MTA3: variants seen among roughly 807,000 people sequenced by gnomAD.
MTA3 encodes the protein metastasis-associated protein MTA3.
A neutral mutation model predicts 83.5 loss-of-function variants in MTA3; 34 were observed. The ratio of observed to expected loss-of-function variants is 0.41; its 90% CI spans 0.31 to 0.54. MTA3 has a LOEUF of 0.54. Among genes scored for constraint, MTA3 ranks in the 20% least tolerant of loss-of-function variants. The probability of loss-of-function intolerance (pLI) is 0.33; values close to 1 mark genes in which losing one functional copy is unlikely to be tolerated. For missense variants in MTA3, 761 were observed against 726.4 expected, an observed-to-expected ratio of 1.05 and a Z score of -0.55; for synonymous variants, 303 against 252.7, an observed-to-expected ratio of 1.20 and a Z score of -1.89.
intron 2 of MTA3, among the ~76,000 whole-genome samples, chr2:42,515,200 A>G (rs1675087638): frequency 6.6e-6 from 1 of 151,992 alleles, no homozygotes; most frequent in Non-Finnish European, 1.5e-5. Flanking sequence ...CTGGGATTAC[A>G]GGTGCCCACC....
chr2:42,689,773 C>CT (rs1222011840), intron 9 of MTA3, among the ~76,000 whole-genome samples: 1,628 of 118,452 alleles, frequency 0.014, 16 homozygotes, highest in African/African-American at 0.037. Flanking sequence ...TAATTTGTGT[C>CT]TTTTTTTTTT....
chr2:42,695,383 T>A lies in MTA3; in HGVS notation c.892-382T>A, dbSNP rs1180573434. ...GGTGTGACGGCTCGCACCTGTAATCTCAGCACTTTGGGAGGCCGAGGCGGG... is the reference window on the plus strand; with the variant it reads ...GGTGTGACGGCTCGCACCTGTAATCACAGCACTTTGGGAGGCCGAGGCGGG... On this transcript the variant is annotated intron_variant, in intron 9 of 16. Coordinates refer to ENST00000405094, the MANE Select transcript of MTA3 (RefSeq NM_001330442.2). Among the ~76,000 whole-genome samples the A allele has an allele frequency of 2.0e-5, 3 of 151,840 alleles. No individual in the cohort carries two copies. The East Asian group carries it at 5.8e-4, about 29-fold the overall frequency.
chr2:42,499,583 A>G (rs968529806), intron 2 of MTA3, among the ~76,000 whole-genome samples: 4 of 150,142 alleles, frequency 2.7e-5, no homozygotes, highest in Non-Finnish European at 5.9e-5. Flanking sequence ...CGAGATCAGG[A>G]GTTCAAGACC....
chr2:42,645,781 A>G (rs992190614), intron 6 of MTA3, among the ~76,000 whole-genome samples: 1 of 152,236 alleles, frequency 6.6e-6, no homozygotes, highest in African/African-American at 2.4e-5. Context: ...ATTCTTCATC[A>G]TAACATAAAA....
chr2:42,543,400 A>G (rs1172295914), intron 2 of MTA3, among the ~76,000 whole-genome samples: 1 of 151,702 alleles, frequency 6.6e-6, no homozygotes, highest in African/African-American at 2.4e-5. Flanking sequence ...CTGGTCTCGA[A>G]CTCCTGACCT....
intron 2 of MTA3, among the ~76,000 whole-genome samples, chr2:42,524,165 C>A (rs766464896): frequency 1.3e-5 from 2 of 152,098 alleles, no homozygotes; most frequent in Non-Finnish European, 2.9e-5. Flanking sequence ...CTCCTCAAGC[C>A]ATTGGAGACA....
In MTA3 at chr2:42,613,162, A is replaced by C. The variant is rs1021341939; in HGVS notation, c.317+3578A>C. On this transcript the variant is annotated intron_variant, in intron 4 of 16. Coordinates refer to ENST00000405094, the MANE Select transcript of MTA3 (RefSeq NM_001330442.2). The stretch of plus-strand genomic sequence containing the variant: ...TGAACATAGAAATTACATAGTCTAC[A>C]TGATCGTTTAGTTACTGTTGAACAC... Among the ~76,000 whole-genome samples, 10 of 152,224 alleles carry C rather than the reference A, an allele frequency of 6.6e-5. No homozygotes were observed. In the East Asian group the frequency reaches 1.9e-3, roughly 29 times the overall value.
chr2:42,494,768 TC>T (rs1256862631), exon 1 of MTA3: 1 of 152,490 alleles, frequency 6.6e-6, no homozygotes, highest in Non-Finnish European at 1.5e-5. Flanking sequence ...CTCTTGGTCT[TC>T]GTCTGCATCC....
intron 2 of MTA3, among the ~76,000 whole-genome samples, chr2:42,558,791 G>A (rs1572981408): frequency 6.6e-6 from 1 of 151,514 alleles, no homozygotes; most frequent in East Asian, 1.9e-4. Flanking sequence ...CTGAGCTCAT[G>A]CAATCCGCCT....
chr2:42,644,763 G>A (rs1688016881), intron 6 of MTA3, among the ~76,000 whole-genome samples: 1 of 152,046 alleles, frequency 6.6e-6, no homozygotes, highest in Non-Finnish European at 1.5e-5. Context: ...TGATCTTAGA[G>A]GTAACTATTG....
intron 6 of MTA3, among the ~76,000 whole-genome samples, chr2:42,646,831 G>T (rs762605204): frequency 6.6e-6 from 1 of 152,140 alleles, no homozygotes; most frequent in Non-Finnish European, 1.5e-5. Flanking sequence ...CAAAGCAGTG[G>T]CAGGGTTTGA....
intron 9 of MTA3, among the ~76,000 whole-genome samples, chr2:42,689,425 G>C (rs1460055487): frequency 1.3e-5 from 2 of 152,152 alleles, no homozygotes; most frequent in Non-Finnish European, 2.9e-5. Flanking sequence ...CTTAGAATGA[G>C]TTGGGAAGTA....
chr2:42,711,232 G>A (rs1558609487), intron 14 of MTA3, among the ~76,000 whole-genome samples: 1 of 152,070 alleles, frequency 6.6e-6, no homozygotes, highest in African/African-American at 2.4e-5. Context: ...AGGAAACTCT[G>A]TTTCCCCAGG....
chr2:42,690,746 C>G (rs757499648), intron 9 of MTA3, among the ~76,000 whole-genome samples: 1 of 149,270 alleles, frequency 6.7e-6, no homozygotes, highest in African/African-American at 2.5e-5. Context: ...GCAATCTTGG[C>G]TCACTGTAGC....
chr2:42,662,988 C>T (rs747061007), intron 8 of MTA3, among the ~76,000 whole-genome samples: 1 of 67,726 alleles, frequency 1.5e-5, no homozygotes, highest in African/African-American at 6.5e-5. Flanking sequence ...TTCGGCCTCC[C>T]AGAGTTGCTG....
intron 3 of MTA3, among the ~76,000 whole-genome samples, chr2:42,603,115 T>C (rs2104012093): frequency 6.6e-6 from 1 of 151,976 alleles, no homozygotes; most frequent in African/African-American, 2.4e-5. Context: ...TACTTTTTTT[T>C]TTTTTTTTTT....
intron 14 of MTA3, 38 bp downstream of exon 14, chr2:42,709,134 C>G: frequency 6.5e-7 from 1 of 1,532,134 alleles, no homozygotes; most frequent in Non-Finnish European, 8.8e-7. Flanking sequence ...ATATGTTGTG[C>G]TTCTGACCAT....
At chr2:42,539,032 C>G (rs1240403678) in intron 2 of MTA3, among the ~76,000 whole-genome samples, 1 of 151,854 alleles carries the variant, frequency 6.6e-6, no homozygotes, top group East Asian at 1.9e-4. Context: ...CCTCGGCCTC[C>G]CAAAGTGCTG....
intron 2 of MTA3, among the ~76,000 whole-genome samples, chr2:42,549,189 T>A (rs1244681746): frequency 1.5e-5 from 2 of 136,098 alleles, no homozygotes; most frequent in South Asian, 4.3e-4. Flanking sequence ...ATATATATAA[T>A]ATATATATGT....
Sources: gnomAD v4.1 joint callset for allele counts (sites outside exome capture counted in the v4.1 genomes callset) on GRCh38, gnomAD v4.1.1 for gene constraint, MANE v1.5 for transcripts, NCBI Gene and HGNC (gene_info 2026-07-23, HGNC 2026-07-21) for gene names.